HDAC9: variants seen among roughly 807,000 people sequenced by gnomAD.
HDAC9 encodes MEF-2 interacting transcription repressor (MITR) protein.
HDAC9 carries 41 observed loss-of-function variants against 139.4 expected under a neutral mutation model. The observed-to-expected ratio is 0.29, with a 90% CI of 0.23 to 0.38. HDAC9 has a LOEUF of 0.38. Among genes scored for constraint, HDAC9 ranks in the 10% least tolerant of loss-of-function variants. The probability of loss-of-function intolerance (pLI) is 1.00; values close to 1 mark genes in which losing one functional copy is unlikely to be tolerated. For missense variants in HDAC9, 1,147 were observed against 1,297.0 expected (o/e 0.88, Z 1.78); for synonymous variants, 517 against 476.2 (o/e 1.09, Z -1.12).
At chr7:18,288,919 C>G (rs1797625892), upstream of HDAC9, among the ~76,000 whole-genome samples, 2 of 152,286 alleles carry the variant, frequency 1.3e-5, no homozygotes, top group South Asian at 4.1e-4. Context: ...GCCACCAAAC[C>G]TAGATGCTTG....
At chr7:18,207,539 C>CTTTTTTTTTTTTTTTGT (rs1791616995) in intron 2 of HDAC9, among the ~76,000 whole-genome samples, 1 of 53,730 alleles carries the variant, frequency 1.9e-5, no homozygotes, top group African/African-American at 7.8e-5. Context: ...CCCAAGGAGT[C>CTTTTTTTTTTTTTTTGT]TTTTTTTTTT....
intron 1 of HDAC9, among the ~76,000 whole-genome samples, chr7:18,428,050 G>A (rs895760130): frequency 3.9e-5 from 6 of 152,014 alleles, no homozygotes; most frequent in East Asian, 3.9e-4. Context: ...TCATTTTGTC[G>A]CATATGGCAG....
At chr7:18,432,766 TG>T (rs1316359291) in intron 1 of HDAC9, among the ~76,000 whole-genome samples, 5 of 152,048 alleles carry the variant, frequency 3.3e-5, no homozygotes, top group African/African-American at 1.2e-4. Flanking sequence ...GCTAACATGG[TG>T]AAACCCCGTC....
intron 2 of HDAC9, among the ~76,000 whole-genome samples, chr7:18,525,992 C>T (rs372564387): frequency 5.3e-5 from 8 of 152,192 alleles, no homozygotes; most frequent in African/African-American, 1.7e-4. Flanking sequence ...CCACTTTTAT[C>T]TCTTTGCCTG....
chr7:18,117,969 C>T (rs1218487565), intron 1 of HDAC9, among the ~76,000 whole-genome samples: 1 of 152,156 alleles, frequency 6.6e-6, no homozygotes, highest in Non-Finnish European at 1.5e-5. Context: ...CATTAGACAA[C>T]TGGGCTCTGT....
At chr7:18,589,867 C>T (rs145262101) in intron 3 of HDAC9, among the ~76,000 whole-genome samples, 2 of 152,172 alleles carry the variant, frequency 1.3e-5, no homozygotes, top group African/African-American at 4.8e-5. Flanking sequence ...GGTAAACTTC[C>T]CCCAAATTAA....
At chr7:18,721,669 G>A (rs1785154105) in intron 12 of HDAC9, among the ~76,000 whole-genome samples, 1 of 152,016 alleles carries the variant, frequency 6.6e-6, no homozygotes, top group African/African-American at 2.4e-5. Context: ...TGATCATCCA[G>A]AGCAAAGTGA....
chr7:18,496,041 A>G lies in HDAC9; in HGVS notation c.-42+18A>G. 2 of 1,432,330 alleles carry G rather than the reference A, an allele frequency of 1.4e-6. No individual in the cohort carries two copies. The highest frequency in any genetic ancestry group is 1.8e-6 in the Non-Finnish European group (2 of 1,097,120). 88.7% of individuals were successfully genotyped at this position (1,432,330 alleles called of 1,614,324 possible). A position where few individuals can be genotyped will look rare whatever the true frequency, so the allele number is the denominator to read the frequency against. On this transcript the variant is annotated intron_variant, in intron 1 of 25. Coordinates refer to ENST00000686413, the MANE Select transcript of HDAC9 (RefSeq NM_178425.4). Reference sequence around the variant, plus strand: ...GCACACAGGTTGGTAACATGGGAAAAGTGTCCAGGTCTTTTTAAAAGTGGA... The same window carrying G: ...GCACACAGGTTGGTAACATGGGAAAGGTGTCCAGGTCTTTTTAAAAGTGGA...
chr7:18,499,329 A>T, intron 2 of HDAC9, among the ~76,000 whole-genome samples: 1 of 152,104 alleles, frequency 6.6e-6, no homozygotes, highest in Non-Finnish European at 1.5e-5. Flanking sequence ...TACTATTGGA[A>T]TACAAGTTTT....
At chr7:18,457,052 A>C (rs1793413342) in intron 1 of HDAC9, among the ~76,000 whole-genome samples, 1 of 152,196 alleles carries the variant, frequency 6.6e-6, no homozygotes. Context: ...AGTGGAGCTC[A>C]AGTGCCTACC....
intron 2 of HDAC9, among the ~76,000 whole-genome samples, chr7:18,577,054 T>C (rs1423399453): frequency 6.6e-6 from 1 of 152,228 alleles, no homozygotes; most frequent in African/African-American, 2.4e-5. Flanking sequence ...TCATTTGATG[T>C]CAGTATGTCA....
At chr7:18,365,345 T>G (rs1197604027) in intron 1 of HDAC9, among the ~76,000 whole-genome samples, 1 of 152,088 alleles carries the variant, frequency 6.6e-6, no homozygotes, top group East Asian at 1.9e-4. Context: ...CAACATAATA[T>G]TAACAGATAA....
intron 13 of HDAC9, among the ~76,000 whole-genome samples, chr7:18,730,438 T>A (rs1014009512): frequency 2.2e-4 from 34 of 152,364 alleles, no homozygotes; most frequent in Non-Finnish European, 4.3e-4. Context: ...GACTTTTTAA[T>A]ATCTATTTGT....
At chr7:18,938,323 C>T (rs1258483018) in intron 23 of HDAC9, among the ~76,000 whole-genome samples, 15 of 151,180 alleles carry the variant, frequency 9.9e-5, no homozygotes, top group African/African-American at 3.6e-4. Context: ...TGGCCGGGCG[C>T]GGTGTCTCAC....
At chr7:18,990,175 C>G (rs549171051) in intron 25 of HDAC9, among the ~76,000 whole-genome samples, 1 of 152,118 alleles carries the variant, frequency 6.6e-6, no homozygotes, top group African/African-American at 2.4e-5. Context: ...TTTTCCCCAT[C>G]TTTGTGGTTT....
chr7:18,890,559 T>C (rs934267803), intron 22 of HDAC9, among the ~76,000 whole-genome samples: 5 of 152,334 alleles, frequency 3.3e-5, no homozygotes, highest in Middle Eastern at 3.4e-3. Flanking sequence ...CTTCATTTAG[T>C]AAGCATTTCC....
intron 1 of HDAC9, among the ~76,000 whole-genome samples, chr7:18,469,655 T>C (rs1201072487): frequency 1.3e-5 from 2 of 152,112 alleles, no homozygotes; most frequent in Non-Finnish European, 2.9e-5. Context: ...TGTATAGTGG[T>C]TTTCTCTATC....
intron 13 of HDAC9, among the ~76,000 whole-genome samples, chr7:18,735,971 T>C (rs769399940): frequency 6.6e-6 from 1 of 152,214 alleles, no homozygotes; most frequent in Non-Finnish European, 1.5e-5. Context: ...GTTGTATTTC[T>C]AGGTATTTTA....
chr7:18,258,950 CCTTTTTTTTTTTTTTTT>C (rs1291180577), intron 2 of HDAC9, among the ~76,000 whole-genome samples: 4 of 113,158 alleles, frequency 3.5e-5, no homozygotes, highest in African/African-American at 1.2e-4. Flanking sequence ...TTCTTCTTCT[CCTTTTTTTTTTTTTTTT>C]TTTTTTTTTT....
Sources: gnomAD v4.1 joint callset for allele counts (sites outside exome capture counted in the v4.1 genomes callset) on GRCh38, gnomAD v4.1.1 for gene constraint, MANE v1.5 for transcripts, NCBI Gene and HGNC (gene_info 2026-07-23, HGNC 2026-07-21) for gene names.